The following RPGRIP1 variants were observed in gnomAD, a reference collection of about 807,000 sequenced individuals.
RPGRIP1 encodes the protein RPGR interacting protein 1, also known as X-linked retinitis pigmentosa GTPase regulator-interacting protein 1.
A neutral mutation model predicts 157.9 loss-of-function variants in RPGRIP1; 128 were observed. The observed-to-expected ratio is 0.81, with a 90% CI of 0.70 to 0.94. The LOEUF is 0.94. RPGRIP1 is among the 40% of genes least tolerant of loss of function. The pLI is 0.00. For missense variants in RPGRIP1, 1,486 were observed against 1,545.8 expected, an observed-to-expected ratio of 0.96 and a Z score of 0.65; for synonymous variants, 554 against 571.6, an observed-to-expected ratio of 0.97 and a Z score of 0.44.
At chr14:21,332,041 C>T (rs572248225) in intron 20 of RPGRIP1, among the ~76,000 whole-genome samples, 2 of 150,112 alleles carry the variant, frequency 1.3e-5, no homozygotes, top group African/African-American at 2.5e-5. Flanking sequence ...CAGGTTCAAG[C>T]GATTCTCCTG....
Position 21,288,301 on chromosome 14 carries a change from C to T in RPGRIP1, c.85+240C>T, listed in dbSNP as rs1280139962. On this transcript the variant is annotated intron_variant, in intron 2 of 24. Coordinates refer to ENST00000400017, the MANE Select transcript of RPGRIP1 (RefSeq NM_020366.4). The stretch of plus-strand genomic sequence containing the variant: ...GTTCAAGCAATTCTCCTGTCTTAGC[C>T]TCCCAAGTAGCAGGGATTACAGGCG... 4.0e-5 allele frequency among the ~76,000 whole-genome samples: 6 copies of T among 151,666 alleles called. No homozygotes were observed. In the East Asian group the frequency reaches 9.7e-4, roughly 25 times the overall value.
At chr14:21,308,616 T>C (rs1291606371) in intron 7 of RPGRIP1, among the ~76,000 whole-genome samples, 1 of 152,078 alleles carries the variant, frequency 6.6e-6, no homozygotes, top group African/African-American at 2.4e-5. Context: ...TCACGCGAAT[T>C]AGATAAAACG....
intron 14 of RPGRIP1, 179 bp from the exon 15 acceptor site, chr14:21,324,439 C>T (rs1882829832): frequency 7.9e-6 from 5 of 636,014 alleles, no homozygotes; most frequent in South Asian, 3.7e-5. Context: ...ATTTGGCTAT[C>T]GGAATTCAAT....
intron 2 of RPGRIP1, among the ~76,000 whole-genome samples, chr14:21,290,154 G>A (rs1256790975): frequency 6.6e-6 from 1 of 152,074 alleles, no homozygotes; most frequent in African/African-American, 2.4e-5. Flanking sequence ...ACCACACCTG[G>A]CCCCTGTTTT....
At chr14:21,297,234 A>G (rs10150554) in intron 3 of RPGRIP1, among the ~76,000 whole-genome samples, 318 of 152,072 alleles carry the variant, frequency 2.1e-3, no homozygotes, top group African/African-American at 7.6e-3. Flanking sequence ...AACTGGGATT[A>G]CAAGCATGTG....
At chr14:21,323,337 G>A (rs909599887) in intron 14 of RPGRIP1, among the ~76,000 whole-genome samples, 7 of 151,858 alleles carry the variant, frequency 4.6e-5, no homozygotes, top group East Asian at 3.9e-4. Context: ...CAGGAGAATC[G>A]CTTGAACCCG....
intron 7 of RPGRIP1, among the ~76,000 whole-genome samples, chr14:21,309,148 C>G (rs1225659953): frequency 6.6e-6 from 1 of 152,146 alleles, no homozygotes; most frequent in Non-Finnish European, 1.5e-5. Flanking sequence ...AGAAAACTTT[C>G]CAAGGACCCC....
intron 21 of RPGRIP1, among the ~76,000 whole-genome samples, chr14:21,336,557 C>A (rs1884385069): frequency 6.6e-6 from 1 of 152,134 alleles, no homozygotes; most frequent in Admixed American, 6.6e-5. Context: ...AACGACAAAA[C>A]CAGTTAAGTT....
chr14:21,327,444 C>T (rs1883227582), intron 17 of RPGRIP1, among the ~76,000 whole-genome samples, 179 bp from the exon 18 acceptor site: 1 of 152,150 alleles, frequency 6.6e-6, no homozygotes, highest in Admixed American at 6.6e-5. Flanking sequence ...ATTCTAACTG[C>T]ACTGCTGTTT....
intron 3 of RPGRIP1, among the ~76,000 whole-genome samples, chr14:21,297,213 G>A (rs564698542): frequency 1.3e-5 from 2 of 152,082 alleles, no homozygotes; most frequent in Middle Eastern, 3.4e-3. Context: ...TCCTGCCTCA[G>A]CCTCCCAAGT....
intron 3 of RPGRIP1, among the ~76,000 whole-genome samples, chr14:21,298,895 G>A (rs965415011): frequency 1.4e-5 from 2 of 139,388 alleles, no homozygotes; most frequent in African/African-American, 2.7e-5. Flanking sequence ...AGCAGAGATC[G>A]CACCACTGTG....
chr14:21,325,838 C>T lies in RPGRIP1; in HGVS notation c.2375C>T (p.Ser792Leu), dbSNP rs774595166. 8 of 1,611,156 alleles carry T rather than the reference C, an allele frequency of 5.0e-6. No homozygotes were observed. Among genetic ancestry groups the T allele is most frequent in the South Asian group, 2.2e-5 (2 of 90,764 alleles). The part of the protein sequence containing the change: ...GRKAQEEEFR[S>L]ESWEPQNELW... ...TGACCAACATCTTTCCAGTTCAGATCGGAGTCTTGGGAACCTCAGAACGAG... is the reference window on the plus strand; with the variant it reads ...TGACCAACATCTTTCCAGTTCAGATTGGAGTCTTGGGAACCTCAGAACGAG... Residue 792 changes from serine (S) to leucine (L), a missense_variant, in exon 17 of 25, where the codon TCG (serine) becomes TTG (leucine). By Grantham distance (145) the Ser-to-Leu change is moderately radical. Transcript: ENST00000400017.
intron 1 of RPGRIP1, among the ~76,000 whole-genome samples, chr14:21,284,639 G>A (rs1175661783): frequency 6.7e-6 from 1 of 149,730 alleles, no homozygotes; most frequent in Non-Finnish European, 1.5e-5. Flanking sequence ...CCGCCTCCCG[G>A]GTTCAAACTA....
intron 11 of RPGRIP1, chr14:21,318,156 G>T (rs912939429): frequency 1.9e-6 from 1 of 516,414 alleles, no homozygotes; most frequent in Non-Finnish European, 3.7e-6. Flanking sequence ...GCTCAGGCTC[G>T]AGTGCAATGG....
Position 21,348,181 on chromosome 14 carries a change from T to C in RPGRIP1, c.3627T>C (p.Phe1209=). 2 of 1,578,978 alleles carry C rather than the reference T, an allele frequency of 1.3e-6. No individual in the cohort carries two copies. The highest frequency in any genetic ancestry group is 1.7e-6 in the Non-Finnish European group (2 of 1,163,198). ...GQDPDQGHLK[F]TVVSDPLDEE... is the part of the protein sequence containing the mutation. ...TGCAATTTCTTTTTAGTTTAAAGTT[T>C]ACAGTGGTAAGTGATCCTCTGGATG... The change falls in exon 24 of 25, where the codon TTT becomes TTC. Residue 1209 remains phenylalanine (F), a synonymous_variant. Coordinates refer to ENST00000400017, the MANE Select transcript of RPGRIP1 (RefSeq NM_020366.4).
chr14:21,314,136 T>C (rs1881663829), intron 10 of RPGRIP1, among the ~76,000 whole-genome samples: 1 of 151,808 alleles, frequency 6.6e-6, no homozygotes, highest in African/African-American at 2.4e-5. Context: ...TTTGTAGAGA[T>C]GGTGTTTTGC....
chr14:21,287,774 G>T (rs573012738), intron 1 of RPGRIP1, among the ~76,000 whole-genome samples, 165 bp from the exon 2 acceptor site: 9 of 152,242 alleles, frequency 5.9e-5, no homozygotes, highest in African/African-American at 1.4e-4. Context: ...CTGAATACTT[G>T]TTGTTACTCT....
intron 17 of RPGRIP1, among the ~76,000 whole-genome samples, chr14:21,327,008 G>A (rs1039345664): frequency 2.0e-5 from 3 of 152,054 alleles, no homozygotes; most frequent in Non-Finnish European, 2.9e-5. Context: ...GGGTATCCAT[G>A]TTTTCCTTAG....
intron 23 of RPGRIP1, among the ~76,000 whole-genome samples, chr14:21,347,242 T>C (rs546139799): frequency 2.7e-4 from 41 of 152,358 alleles, no homozygotes; most frequent in Non-Finnish European, 2.9e-5. Context: ...TCCAGACTCT[T>C]TGACTTACTA....
Sources: allele counts gnomAD v4.1 joint callset (sites outside exome capture counted in the v4.1 genomes callset), GRCh38; gene constraint gnomAD v4.1.1; transcripts MANE v1.5; gene names NCBI Gene and HGNC (gene_info 2026-07-23, HGNC 2026-07-21).